The following PSMA2 variants were observed in gnomAD, a reference collection of about 807,000 sequenced individuals.
PSMA2 encodes proteasome subunit alpha type-2.
In PSMA2, 2 loss-of-function variants were observed where a neutral mutation model predicts 35.9. The ratio of observed to expected loss-of-function variants is 0.06; its 90% CI spans 0.02 to 0.18. The LOEUF (loss-of-function observed/expected upper bound fraction) is 0.18. Ranked by LOEUF, PSMA2 falls within the 10% of genes least tolerant of loss-of-function variation. The pLI is 1.00. For synonymous variants in PSMA2, 97 were observed against 98.2 expected, an observed-to-expected ratio of 0.99 and a Z score of 0.07; for missense variants, 126 against 278.8, an observed-to-expected ratio of 0.45 and a Z score of 3.90.
chr7:42,927,496 C>A (rs775289381), intron 1 of PSMA2, 37 bp from the exon 2 acceptor site: 1 of 1,559,600 alleles, frequency 6.4e-7, no homozygotes, highest in Non-Finnish European at 8.8e-7. Flanking sequence ...GTTCACATAT[C>A]ATCAAATATT....
intron 6 of PSMA2, chr7:42,920,877 A>T (rs1025139503): frequency 1.3e-5 from 2 of 152,220 alleles, no homozygotes; most frequent in African/African-American, 4.8e-5. Flanking sequence ...CGAGGTCATT[A>T]CGTTAAGCAA....
At chr7:42,930,434 C>T (rs899302560) in intron 1 of PSMA2, among the ~76,000 whole-genome samples, 5 of 151,876 alleles carry the variant, frequency 3.3e-5, no homozygotes, top group African/African-American at 1.2e-4. Context: ...TAATTTTTTT[C>T]AGAGATAGGG....
intron 6 of PSMA2, chr7:42,920,106 C>A: frequency 1.9e-6 from 1 of 513,316 alleles, no homozygotes; most frequent in South Asian, 2.0e-5. Flanking sequence ...CAAGCATGTG[C>A]CACAGACAGC....
intron 3 of PSMA2, among the ~76,000 whole-genome samples, 176 bp downstream of exon 3, chr7:42,926,360 T>G (rs543794009): frequency 6.6e-6 from 1 of 152,320 alleles, no homozygotes; most frequent in South Asian, 2.1e-4. Context: ...CTCTTTAAAG[T>G]AACCTATACA....
Position 42,924,660 on chromosome 7 carries a change from A to G in PSMA2, c.374+15T>C, listed in dbSNP as rs1786180277. ...TACAATTCATGGCACATTTCAAGTAAAAAAAGCAACTTACCCTGACTGAGT... is the reference window on the plus strand; with the variant it reads ...TACAATTCATGGCACATTTCAAGTAGAAAAAGCAACTTACCCTGACTGAGT... On this transcript the variant is annotated intron_variant, in intron 4 of 7. Coordinates refer to ENST00000223321, the MANE Select transcript of PSMA2 (RefSeq NM_002787.5). 1 of 1,604,298 alleles carries G rather than the reference A, an allele frequency of 6.2e-7. No individual in the cohort carries two copies. Among genetic ancestry groups the G allele is most frequent in the Admixed American group, 1.7e-5 (1 of 58,800 alleles).
intron 6 of PSMA2, chr7:42,919,390 T>A: frequency 3.5e-6 from 2 of 566,150 alleles, no homozygotes; most frequent in Non-Finnish European, 7.1e-6. Flanking sequence ...AATTATTTGT[T>A]AACCAGGGGA....
At chr7:42,921,579 G>A in intron 6 of PSMA2, 1 of 262,404 alleles carries the variant, frequency 3.8e-6, no homozygotes. Context: ...CTCCTGAAAT[G>A]GCACAAAAAG....
At chr7:42,926,000 C>T (rs766714270) in intron 3 of PSMA2, among the ~76,000 whole-genome samples, 3 of 152,210 alleles carry the variant, frequency 2.0e-5, no homozygotes, top group Non-Finnish European at 4.4e-5. Flanking sequence ...AGATTATTCT[C>T]TCTTCCTGTG....
At chr7:42,921,738 G>T in intron 6 of PSMA2, 120 bp downstream of exon 6, 2 of 657,602 alleles carry the variant, frequency 3.0e-6, no homozygotes, top group Non-Finnish European at 4.9e-6. Context: ...TCTGTAACTA[G>T]ATTCATATAC....
intron 6 of PSMA2, chr7:42,920,218 T>G: frequency 3.5e-6 from 1 of 286,336 alleles, no homozygotes. Flanking sequence ...GAATATGAAT[T>G]AGCTCCATTG....
intron 1 of PSMA2, among the ~76,000 whole-genome samples, chr7:42,930,464 C>T (rs898161804): frequency 1.3e-5 from 2 of 151,756 alleles, no homozygotes; most frequent in East Asian, 1.9e-4. Context: ...GTTGCCCAGG[C>T]TAGTCTTGAA....
At chr7:42,920,800 A>C (rs1786115793) in intron 6 of PSMA2, 1 of 152,212 alleles carries the variant, frequency 6.6e-6, no homozygotes, top group African/African-American at 2.4e-5. Context: ...GGAGTTACGA[A>C]GTTTTTTATT....
At chr7:42,926,460 T>A (rs186364886) in intron 3 of PSMA2, 76 bp downstream of exon 3, 270 of 1,422,288 alleles carry the variant, frequency 1.9e-4, no homozygotes, top group Non-Finnish European at 2.4e-4. Context: ...GAAAACAACC[T>A]TGGTTTTTCT....
At chr7:42,924,187 A>C (rs1353979059) in intron 4 of PSMA2, among the ~76,000 whole-genome samples, 1 of 45,910 alleles carries the variant, frequency 2.2e-5, no homozygotes, top group Non-Finnish European at 4.3e-5. Context: ...CTACCAAAAA[A>C]ATACAAAAAA....
intron 6 of PSMA2, chr7:42,918,913 TC>T (rs1019293209): frequency 1.1e-5 from 2 of 183,050 alleles, no homozygotes; most frequent in Admixed American, 1.2e-4. Flanking sequence ...AAACTCCGCC[TC>T]CCAGGTTCAA....
At chr7:42,930,761 G>C (rs1786292235) in intron 1 of PSMA2, among the ~76,000 whole-genome samples, 1 of 151,254 alleles carries the variant, frequency 6.6e-6, no homozygotes. Context: ...AGCTACTCCA[G>C]AGACTGAGGC....
intron 2 of PSMA2, 116 bp downstream of exon 2, chr7:42,927,267 A>C (rs1786229355): frequency 1.0e-6 from 1 of 953,254 alleles, no homozygotes; most frequent in Non-Finnish European, 1.6e-6. Context: ...GTAAATTAAC[A>C]AAAAATTGTT....
Position 42,927,471 on chromosome 7 carries a change from C to T in PSMA2, c.42-12G>A. On this transcript the variant is annotated splice_polypyrimidine_tract_variant and intron_variant, in intron 1 of 7. Coordinates refer to ENST00000223321, the MANE Select transcript of PSMA2 (RefSeq NM_002787.5). Reference sequence around the variant, plus strand: ...GTTTACCAGACGGGCTTAAAAGAAACACAGGTATTTGTAAGTTCACATATC... The same window carrying T: ...GTTTACCAGACGGGCTTAAAAGAAATACAGGTATTTGTAAGTTCACATATC... 1 of 1,611,864 alleles carries T rather than the reference C, an allele frequency of 6.2e-7. No individual in the cohort carries two copies. Among genetic ancestry groups the T allele is most frequent in the East Asian group, 2.2e-5 (1 of 44,880 alleles).
intron 1 of PSMA2, among the ~76,000 whole-genome samples, chr7:42,930,381 TC>T (rs1489625702): frequency 6.6e-6 from 1 of 152,002 alleles, no homozygotes; most frequent in Non-Finnish European, 1.5e-5. Flanking sequence ...GCCCTCAGCC[TC>T]CCAAATAGCT....
Sources: allele counts gnomAD v4.1 joint callset (sites outside exome capture counted in the v4.1 genomes callset), GRCh38; gene constraint gnomAD v4.1.1; transcripts MANE v1.5; gene names NCBI Gene and HGNC (gene_info 2026-07-23, HGNC 2026-07-21).